CACNA2D3: variants seen among roughly 807,000 people sequenced by gnomAD.
The protein encoded by CACNA2D3 is voltage-dependent calcium channel subunit alpha-2/delta-3.
CACNA2D3 carries 60 observed loss-of-function variants against 160.6 expected under a neutral mutation model. The observed-to-expected ratio is 0.37, with a 90% CI of 0.30 to 0.46. The LOEUF (loss-of-function observed/expected upper bound fraction) is 0.46, where lower values mean the gene tolerates loss of function less well. Ranked by LOEUF, CACNA2D3 falls within the 20% of genes least tolerant of loss-of-function variation. The pLI, the probability that CACNA2D3 is intolerant of heterozygous loss-of-function variation, is 1.00. For synonymous variants in CACNA2D3, 558 were observed against 492.9 expected (o/e 1.13, Z -1.75); for missense variants, 1,205 against 1,365.0 (o/e 0.88, Z 1.85).
chr3:54,743,393 G>A (rs144867179), intron 11 of CACNA2D3, among the ~76,000 whole-genome samples: 34 of 152,276 alleles, frequency 2.2e-4, no homozygotes, highest in African/African-American at 7.7e-4. Context: ...TAGTGGGAGA[G>A]GTGGACTGAA....
At chr3:54,762,763 A>G (rs1702102424) in intron 12 of CACNA2D3, among the ~76,000 whole-genome samples, 1 of 152,198 alleles carries the variant, frequency 6.6e-6, no homozygotes, top group Admixed American at 6.5e-5. Context: ...ATCACAAGAC[A>G]ACAGCATGGT....
chr3:55,002,336 G>A (rs1352421514), intron 31 of CACNA2D3, among the ~76,000 whole-genome samples: 1 of 152,160 alleles, frequency 6.6e-6, no homozygotes, highest in Admixed American at 6.5e-5. Flanking sequence ...TTGGGCAGTG[G>A]GAAAAGGATA....
intron 13 of CACNA2D3, among the ~76,000 whole-genome samples, chr3:54,798,607 G>A (rs1009924061): frequency 8.5e-5 from 13 of 152,282 alleles, no homozygotes; most frequent in African/African-American, 3.1e-4. Flanking sequence ...TTTCTATAAT[G>A]TGAATTAGCT....
At chr3:54,639,150 TG>T (rs756303967) in intron 10 of CACNA2D3, 2 of 151,068 alleles carry the variant, frequency 1.3e-5, no homozygotes, top group Admixed American at 1.3e-4. Flanking sequence ...AATAAGCGAT[TG>T]GGGGGTTCTT....
intron 27 of CACNA2D3, among the ~76,000 whole-genome samples, chr3:54,934,567 TC>T (rs887247385): frequency 2.6e-5 from 4 of 152,164 alleles, no homozygotes; most frequent in African/African-American, 9.7e-5. Flanking sequence ...AATGTATGCC[TC>T]CAGCCTCCCT....
At chr3:54,214,838 A>T (rs954692407) in intron 2 of CACNA2D3, among the ~76,000 whole-genome samples, 1 of 152,228 alleles carries the variant, frequency 6.6e-6, no homozygotes, top group African/African-American at 2.4e-5. Flanking sequence ...CGTGCTCACC[A>T]TGGTTCTTCC....
At chr3:54,461,987 G>C (rs1252234359) in intron 4 of CACNA2D3, among the ~76,000 whole-genome samples, 27 of 151,914 alleles carry the variant, frequency 1.8e-4, no homozygotes, top group East Asian at 3.9e-4. Context: ...TCTTTGTTCT[G>C]GTTGGTTTCA....
chr3:54,798,994 T>A (rs1438030841), intron 13 of CACNA2D3, among the ~76,000 whole-genome samples: 2 of 152,260 alleles, frequency 1.3e-5, no homozygotes, highest in African/African-American at 4.8e-5. Flanking sequence ...TTTATTTTTT[T>A]AATCAAAACA....
intron 4 of CACNA2D3, among the ~76,000 whole-genome samples, chr3:54,495,372 A>G (rs1019494586): frequency 3.3e-5 from 5 of 152,160 alleles, no homozygotes; most frequent in African/African-American, 4.8e-5. Context: ...GAATTTCTAT[A>G]TGGAAAAATG....
intron 11 of CACNA2D3, among the ~76,000 whole-genome samples, chr3:54,706,804 C>G (rs561840580): frequency 6.6e-6 from 1 of 152,318 alleles, no homozygotes; most frequent in South Asian, 2.1e-4. Context: ...GTGCCAGAAT[C>G]CCATGCTTTG....
At chr3:54,681,382 CAAAAAAAAAAAAAAA>C (rs565556596) in intron 11 of CACNA2D3, among the ~76,000 whole-genome samples, 1 of 62,096 alleles carries the variant, frequency 1.6e-5, no homozygotes, top group Non-Finnish European at 2.8e-5. Context: ...ACTAAAAATA[CAAAAAAAAAAAAAAA>C]AAAAAAAAAA....
chr3:54,611,264 G>T (rs1214058833), intron 9 of CACNA2D3, among the ~76,000 whole-genome samples: 1 of 152,204 alleles, frequency 6.6e-6, no homozygotes, highest in African/African-American at 2.4e-5. Flanking sequence ...GGGTTTAGCT[G>T]TGTTTTTGAG....
chr3:54,188,283 C>T (rs1043147671), intron 2 of CACNA2D3, among the ~76,000 whole-genome samples: 3 of 151,290 alleles, frequency 2.0e-5, no homozygotes, highest in African/African-American at 7.3e-5. Context: ...AAACCAGTAG[C>T]AGGAGAGGCT....
At chr3:54,264,023 C>T (rs9852538) in intron 2 of CACNA2D3, among the ~76,000 whole-genome samples, 105,178 of 152,084 alleles carry the variant, frequency 0.69, 37,011 homozygotes, top group African/African-American at 0.83. Context: ...ATGTTACATC[C>T]ATACAGGCAG....
Position 54,736,004 on chromosome 3 carries a change from T to TGC in CACNA2D3, c.1168-16595_1168-16594insGC, listed in dbSNP as rs1321677563. The stretch of plus-strand genomic sequence containing the variant: ...ATGTATATATATATACATATATATA[T>TGC]ATGTATATATATACACATACATATA... On this transcript the variant is annotated intron_variant, in intron 11 of 37. Coordinates refer to ENST00000474759, the MANE Select transcript of CACNA2D3 (RefSeq NM_018398.3). Among the ~76,000 whole-genome samples the TGC allele has an allele frequency of 3.8e-3, 382 of 100,014 alleles. 22 individuals are homozygous for TGC. The highest frequency in any genetic ancestry group is 5.3e-3 in the Non-Finnish European group (248 of 46,558). The allele number at this position is 100,014 out of a possible 152,430, so 65.6% of individuals were successfully genotyped here. A position where few individuals can be genotyped will look rare whatever the true frequency, so the allele number is the denominator to read the frequency against.
At chr3:54,587,951 A>G (rs1702793025) in intron 9 of CACNA2D3, among the ~76,000 whole-genome samples, 2 of 152,226 alleles carry the variant, frequency 1.3e-5, no homozygotes, top group South Asian at 4.1e-4. Context: ...AAAATAGAAG[A>G]GTAAGGAAAT....
intron 27 of CACNA2D3, among the ~76,000 whole-genome samples, chr3:54,921,865 C>T (rs1402109022): frequency 1.3e-5 from 2 of 152,172 alleles, no homozygotes; most frequent in Non-Finnish European, 2.9e-5. Flanking sequence ...TCTGTTATGT[C>T]GGTTAGCCTG....
intron 3 of CACNA2D3, among the ~76,000 whole-genome samples, chr3:54,374,757 A>G (rs1444257698): frequency 6.6e-6 from 1 of 152,060 alleles, no homozygotes; most frequent in Non-Finnish European, 1.5e-5. Flanking sequence ...CTTTTCCCTT[A>G]TTCTCTGTAT....
intron 3 of CACNA2D3, 103 bp downstream of exon 3, chr3:54,320,661 G>A (rs1343230367): frequency 3.0e-5 from 17 of 572,744 alleles, no homozygotes; most frequent in Non-Finnish European, 4.5e-5. Flanking sequence ...GTTGACTCAC[G>A]CATCTATTAC....
Sources: gnomAD v4.1 joint callset for allele counts (sites outside exome capture counted in the v4.1 genomes callset) on GRCh38, gnomAD v4.1.1 for gene constraint, MANE v1.5 for transcripts, NCBI Gene and HGNC (gene_info 2026-07-23, HGNC 2026-07-21) for gene names.